MLIP: variants seen among roughly 807,000 people sequenced by gnomAD.
The protein encoded by MLIP is muscular LMNA-interacting protein.
In MLIP, 79 loss-of-function variants were observed where a neutral mutation model predicts 84.8. The observed-to-expected ratio is 0.93, with a 90% CI of 0.78 to 1.12. The LOEUF (loss-of-function observed/expected upper bound fraction) is 1.12, where lower values mean the gene tolerates loss of function less well. Ranked by LOEUF, MLIP falls within the 50% of genes most tolerant of loss-of-function variation. The pLI is 0.00. For missense variants in MLIP, 1,257 were observed against 1,160.6 expected, an observed-to-expected ratio of 1.08 and a Z score of -1.21; for synonymous variants, 504 against 463.0, an observed-to-expected ratio of 1.09 and a Z score of -1.14.
At chr6:54,119,870 AC>A (rs1770283357) in intron 1 of MLIP, among the ~76,000 whole-genome samples, 1 of 152,096 alleles carries the variant, frequency 6.6e-6, no homozygotes, top group Non-Finnish European at 1.5e-5. Flanking sequence ...CATTTCCACC[AC>A]TTTACCACGT....
At chr6:54,254,758 TCCTTCCTTC>T (rs1782883703) in intron 12 of MLIP, among the ~76,000 whole-genome samples, 2 of 143,592 alleles carry the variant, frequency 1.4e-5, no homozygotes, top group Admixed American at 1.4e-4. Context: ...CTTCCTTCCT[TCCTTCCTTC>T]CCTTCCTCCC....
chr6:54,041,720 C>T (rs1764752264), intron 1 of MLIP, among the ~76,000 whole-genome samples: 1 of 152,080 alleles, frequency 6.6e-6, no homozygotes, highest in African/African-American at 2.4e-5. Context: ...ATTTGTATAT[C>T]ATTGCTTAAG....
At chr6:54,199,869 A>G (rs930265210) in intron 10 of MLIP, among the ~76,000 whole-genome samples, 3 of 152,148 alleles carry the variant, frequency 2.0e-5, no homozygotes, top group East Asian at 3.9e-4. Context: ...AAACCATATG[A>G]AGACCAAGTA....
At chr6:54,050,672 G>T (rs1765324285) in intron 1 of MLIP, among the ~76,000 whole-genome samples, 1 of 152,044 alleles carries the variant, frequency 6.6e-6, no homozygotes, top group African/African-American at 2.4e-5. Flanking sequence ...TTTTAATGAT[G>T]AAACATAAAA....
At chr6:54,144,880 T>C (rs954425814) in intron 4 of MLIP, among the ~76,000 whole-genome samples, 17 of 152,190 alleles carry the variant, frequency 1.1e-4, no homozygotes, top group African/African-American at 4.1e-4. Context: ...GTGGAAAATA[T>C]TTTCTGAAGG....
chr6:54,078,691 C>CTTTTTTTTTTTTTTTT (rs70980890), intron 1 of MLIP, among the ~76,000 whole-genome samples: 1 of 133,366 alleles, frequency 7.5e-6, no homozygotes, highest in African/African-American at 2.8e-5. Context: ...TTCTTTCTTT[C>CTTTTTTTTTTTTTTTT]TTTTTTTTTT....
chr6:54,160,359 G>A lies in MLIP; in HGVS notation c.2290-8G>A, dbSNP rs764339847. ...GCCTCATATAAGAACTATTTCATTT[G>A]TCACTAGGCACTAGATGAACCAGCC... On this transcript the variant is annotated splice_region_variant and splice_polypyrimidine_tract_variant and intron_variant, in intron 5 of 13. Transcript: ENST00000502396. The A allele has an allele frequency of 5.0e-6, 8 of 1,610,168 alleles. No homozygotes were observed. Among genetic ancestry groups the A allele is most frequent in the Admixed American group, 3.3e-5 (2 of 59,744 alleles).
chr6:54,245,321 G>A (rs1171102475), intron 12 of MLIP, among the ~76,000 whole-genome samples: 1 of 152,158 alleles, frequency 6.6e-6, no homozygotes, highest in Non-Finnish European at 1.5e-5. Flanking sequence ...TGTGACTTCA[G>A]TTCAAGGCCA....
chr6:54,196,406 G>A (rs1036929094), intron 10 of MLIP, among the ~76,000 whole-genome samples: 4 of 151,838 alleles, frequency 2.6e-5, no homozygotes, highest in Non-Finnish European at 5.9e-5. Flanking sequence ...CTCTTTGTTC[G>A]GCCCCCACTT....
At chr6:54,113,969 G>A (rs558742732) in intron 1 of MLIP, among the ~76,000 whole-genome samples, 5 of 152,192 alleles carry the variant, frequency 3.3e-5, no homozygotes, top group Admixed American at 1.3e-4. Context: ...AGAGACTATC[G>A]AACAGCCAAG....
intron 13 of MLIP, among the ~76,000 whole-genome samples, chr6:54,259,245 A>G (rs1241622751): frequency 1.3e-5 from 2 of 151,790 alleles, no homozygotes; most frequent in Non-Finnish European, 2.9e-5. Flanking sequence ...CTCTTTCAGT[A>G]TGATAGTGGC....
chr6:54,109,920 T>TTC (rs1554150485), upstream of MLIP, among the ~76,000 whole-genome samples: 29 of 52,156 alleles, frequency 5.6e-4, no homozygotes, highest in East Asian at 5.4e-3. Context: ...TTTCTTTCTT[T>TTC]CTTTCTTCCT....
chr6:54,215,365 A>C, intron 11 of MLIP: 1 of 1,308,360 alleles, frequency 7.6e-7, no homozygotes, highest in Non-Finnish European at 9.7e-7. Context: ...ATCCTACAAA[A>C]ATGGGGCTAC....
chr6:54,082,981 C>G (rs1485199381), intron 1 of MLIP, among the ~76,000 whole-genome samples: 2 of 152,064 alleles, frequency 1.3e-5, no homozygotes, highest in Non-Finnish European at 2.9e-5. Context: ...TTGTATTTGT[C>G]TATCTGTTTT....
chr6:54,143,831 G>A (rs1772541595), intron 4 of MLIP, among the ~76,000 whole-genome samples: 1 of 152,014 alleles, frequency 6.6e-6, no homozygotes, highest in South Asian at 2.1e-4. Context: ...TCTCTGCCAG[G>A]TTTGTATTAG....
At chr6:54,078,608 T>C (rs1241836857) in intron 1 of MLIP, among the ~76,000 whole-genome samples, 4 of 152,078 alleles carry the variant, frequency 2.6e-5, no homozygotes, top group African/African-American at 9.7e-5. Flanking sequence ...CATTGCCAGA[T>C]TTAGCTAATA....
At chr6:54,251,649 A>G (rs1353421766) in intron 12 of MLIP, among the ~76,000 whole-genome samples, 2 of 111,086 alleles carry the variant, frequency 1.8e-5, no homozygotes, top group African/African-American at 8.1e-5. Context: ...TATAACATAT[A>G]ATATATAATA....
chr6:54,022,194 C>CT (rs1395376610), intron 1 of MLIP, among the ~76,000 whole-genome samples: 6 of 152,150 alleles, frequency 3.9e-5, no homozygotes, highest in Non-Finnish European at 8.8e-5. Flanking sequence ...TCAGAAAACA[C>CT]TGAGCAGGAA....
intron 11 of MLIP, among the ~76,000 whole-genome samples, chr6:54,208,845 T>G (rs1779221985): frequency 6.6e-6 from 1 of 152,118 alleles, no homozygotes. Flanking sequence ...CCAAATACAC[T>G]GCCTCCCTCC....
Sources: allele counts gnomAD v4.1 joint callset (sites outside exome capture counted in the v4.1 genomes callset), GRCh38; gene constraint gnomAD v4.1.1; transcripts MANE v1.5; gene names NCBI Gene and HGNC (gene_info 2026-07-23, HGNC 2026-07-21).